Variants in COL28A1 observed in about 807,000 individuals in gnomAD.
COL28A1 encodes collagen alpha-1(XXVIII) chain.
Under a neutral mutation model 150.2 loss-of-function variants are expected in COL28A1, and 161 were observed. The observed-to-expected ratio is 1.07, with a 90% CI of 0.94 to 1.22. The LOEUF is 1.22. COL28A1 is among the 50% of genes most tolerant of loss of function. The pLI is 0.00. For missense variants in COL28A1, 1,617 were observed against 1,388.3 expected, an observed-to-expected ratio of 1.16 and a Z score of -2.62; for synonymous variants, 552 against 469.7, an observed-to-expected ratio of 1.18 and a Z score of -2.26.
chr7:7,528,182 G>C (rs747099026), intron 3 of COL28A1, among the ~76,000 whole-genome samples: 2 of 151,976 alleles, frequency 1.3e-5, no homozygotes, highest in Non-Finnish European at 2.9e-5. Context: ...TTTCCATAAA[G>C]GCTTTTTAAA....
chr7:7,487,428 A>C (rs1230038592), intron 13 of COL28A1, among the ~76,000 whole-genome samples: 4 of 152,130 alleles, frequency 2.6e-5, no homozygotes, highest in African/African-American at 9.7e-5. Flanking sequence ...AACTACAAAA[A>C]TTAGCCAGGC....
At chr7:7,393,132 G>C (rs1782642234) in intron 27 of COL28A1, among the ~76,000 whole-genome samples, 1 of 152,204 alleles carries the variant, frequency 6.6e-6, no homozygotes, top group Non-Finnish European at 1.5e-5. Flanking sequence ...GTGATCTTCA[G>C]ATGGGGTTTC....
rs754478910 is a variant in COL28A1, at chr7:7,531,872, C to A, written c.157G>T (p.Val53Leu). The A allele has an allele frequency of 6.2e-7, 1 of 1,607,742 alleles. No individual in the cohort carries two copies. The highest frequency in any genetic ancestry group is 8.5e-7 in the Non-Finnish European group (1 of 1,174,480). ...ATTTTAGAACTTTCAGAGCTGTCCA[C>A]GATGAAGACAATATCTATGAAACAA... ...SICFIDIVFI[V>L]DSSESSKIAL... The change falls in exon 3 of 35, where the codon GTG becomes TTG. Residue 53 changes from valine to leucine, a missense_variant. Transcript: ENST00000399429.
intron 27 of COL28A1, among the ~76,000 whole-genome samples, chr7:7,390,420 T>C (rs538072958): frequency 5.9e-5 from 9 of 152,274 alleles, no homozygotes; most frequent in African/African-American, 1.7e-4. Flanking sequence ...ATTTTTGCAT[T>C]GATGTTCATC....
chr7:7,501,427 C>T (rs112320476), intron 11 of COL28A1, among the ~76,000 whole-genome samples: 1 of 152,134 alleles, frequency 6.6e-6, no homozygotes, highest in East Asian at 1.9e-4. Flanking sequence ...CCAGCTGCTT[C>T]CTGCACACGC....
the COL28A1 span, among the ~76,000 whole-genome samples, chr7:7,541,284 A>G: frequency 6.6e-6 from 1 of 152,102 alleles, no homozygotes; most frequent in African/African-American, 2.4e-5. Flanking sequence ...TTCATGGACA[A>G]AATTTATAGA....
intron 32 of COL28A1, 40 bp downstream of exon 32, chr7:7,372,958 A>T: frequency 6.4e-7 from 1 of 1,553,328 alleles, no homozygotes; most frequent in Non-Finnish European, 8.8e-7. Context: ...TAGAGGAACA[A>T]CATAAATGCC....
At chr7:7,441,544 C>T (rs1164621322) in intron 20 of COL28A1, among the ~76,000 whole-genome samples, 1 of 151,444 alleles carries the variant, frequency 6.6e-6, no homozygotes, top group Non-Finnish European at 1.5e-5. Flanking sequence ...AAAAAAATTC[C>T]TCGTGGTCTG....
chr7:7,400,975 G>GTGTGTGTGTGTGT (rs1783145948), intron 27 of COL28A1, among the ~76,000 whole-genome samples: 1 of 119,074 alleles, frequency 8.4e-6, no homozygotes, highest in Non-Finnish European at 1.7e-5. Context: ...TGGGTATTTG[G>GTGTGTGTGTGTGT]GTGTGTGTGT....
Position 7,373,420 on chromosome 7 carries a change from G to A in COL28A1, c.2486C>T (p.Ala829Val), listed in dbSNP as rs1400133320. Residue 829 changes from alanine to valine, a missense_variant, in exon 32 of 35, where the codon GCT becomes GTT. By Grantham distance (64) the Ala-to-Val change is moderately conservative. Transcript: ENST00000399429. The surrounding 1 kb of genome is among the most constrained non-coding windows in gnomAD (Gnocchi z 4.1). The stretch of plus-strand genomic sequence containing the variant: ...TATGCGGGCCGTGGCAAGGTCCAGA[G>A]CAACCCGGTCAGCCATAGTCTTCAC... ...NFVKTMADRV[A>V]LDLATARIGI... is the part of the protein sequence containing the mutation. 3 of 1,614,156 alleles carry A rather than the reference G, an allele frequency of 1.9e-6. No homozygotes were observed. The highest frequency in any genetic ancestry group is 1.3e-5 in the African/African-American group (1 of 75,018).
chr7:7,528,585 G>GA (rs1172635641), intron 3 of COL28A1, among the ~76,000 whole-genome samples: 3 of 152,040 alleles, frequency 2.0e-5, no homozygotes, highest in Admixed American at 6.6e-5. Flanking sequence ...TTCTGATACA[G>GA]AAAAAAACCC....
intron 7 of COL28A1, among the ~76,000 whole-genome samples, chr7:7,517,574 GTTGAACACTCCTGCTC>G (rs1197732496): frequency 6.6e-6 from 1 of 152,090 alleles, no homozygotes; most frequent in Non-Finnish European, 1.5e-5. Context: ...ATTTGATAGG[GTTGAACACTCCTGCTC>G]CCATTTTCAC....
chr7:7,508,854 G>T (rs539716199), intron 9 of COL28A1, among the ~76,000 whole-genome samples: 2 of 151,914 alleles, frequency 1.3e-5, no homozygotes, highest in African/African-American at 4.8e-5. Flanking sequence ...TTGTTTTTGA[G>T]ATGGAGTCTT....
At chr7:7,540,323 C>T (rs940005151), upstream of COL28A1, among the ~76,000 whole-genome samples, 13 of 152,166 alleles carry the variant, frequency 8.5e-5, no homozygotes, top group Non-Finnish European at 1.9e-4. Context: ...GTTCATTTTA[C>T]TTTCAGATAT....
At position 7,462,794 on chromosome 7, in the gene COL28A1, A is replaced by G. The variant is rs184600321; in HGVS notation, c.1303-6682T>C. On this transcript the variant is annotated intron_variant, in intron 15 of 34. Transcript: ENST00000399429. ...TAATCACTTGAACCCGGGAGGCAGA[A>G]GTTGTGGTGAGAGCTAAGATCACGC... Among the ~76,000 whole-genome samples the G allele has an allele frequency of 4.7e-3, 708 of 151,896 alleles. 5 individuals are homozygous for G. Among genetic ancestry groups the G allele is most frequent in the East Asian group, 0.022 (115 of 5,152 alleles).
chr7:7,477,566 A>AGC (rs1789005015), intron 13 of COL28A1, among the ~76,000 whole-genome samples: 1 of 152,190 alleles, frequency 6.6e-6, no homozygotes, highest in African/African-American at 2.4e-5. Flanking sequence ...TCTAAAAGGC[A>AGC]GCGCGTCCAG....
chr7:7,508,824 G>T (rs183357344), intron 9 of COL28A1, among the ~76,000 whole-genome samples: 2 of 151,312 alleles, frequency 1.3e-5, no homozygotes, highest in Admixed American at 6.6e-5. Flanking sequence ...ATACCTTATT[G>T]TTTTATTGTT....
chr7:7,500,606 T>A (rs998601579), intron 11 of COL28A1, among the ~76,000 whole-genome samples: 1 of 152,214 alleles, frequency 6.6e-6, no homozygotes, highest in African/African-American at 2.4e-5. Flanking sequence ...CACACATGCA[T>A]TCCTAATATC....
At chr7:7,421,273 G>A (rs1784379089) in intron 25 of COL28A1, among the ~76,000 whole-genome samples, 1 of 152,156 alleles carries the variant, frequency 6.6e-6, no homozygotes, top group African/African-American at 2.4e-5. Context: ...ACAAAAAGTA[G>A]ATTAGTCACT....
Sources: gnomAD v4.1 joint callset for allele counts (sites outside exome capture counted in the v4.1 genomes callset) on GRCh38, gnomAD v4.1.1 for gene constraint, Gnocchi (gnomAD v3.1) non-coding constraint, MANE v1.5 for transcripts, NCBI Gene and HGNC (gene_info 2026-07-23, HGNC 2026-07-21) for gene names.